ATP6V0D1: variants seen among roughly 807,000 people sequenced by gnomAD.
The protein encoded by ATP6V0D1 is ATPase H+ transporting V0 subunit d1, also known as V-type proton ATPase subunit d 1.
In ATP6V0D1, 13 loss-of-function variants were observed where a neutral mutation model predicts 39.0. The observed-to-expected ratio is 0.33, with a 90% CI of 0.22 to 0.53. ATP6V0D1 has a LOEUF of 0.53. Ranked by LOEUF, ATP6V0D1 falls within the 20% of genes least tolerant of loss-of-function variation. The pLI, the probability that ATP6V0D1 is intolerant of heterozygous loss-of-function variation, is 0.94. For synonymous variants in ATP6V0D1, 191 were observed against 191.2 expected (o/e 1.00, Z 0.01); for missense variants, 272 against 470.9 (o/e 0.58, Z 3.91).
At chr16:67,440,536 G>C (rs563921210) in intron 4 of ATP6V0D1, 1 of 152,414 alleles carries the variant, frequency 6.6e-6, no homozygotes, top group African/African-American at 2.4e-5. Context: ...CCACAGGCTA[G>C]AGACTATTCT....
intron 2 of ATP6V0D1, among the ~76,000 whole-genome samples, chr16:67,446,727 A>G (rs968457916): frequency 2.6e-5 from 4 of 152,180 alleles, no homozygotes; most frequent in East Asian, 1.9e-4. Context: ...TCCAGCCCCA[A>G]TGTAGCCTTG....
intron 2 of ATP6V0D1, among the ~76,000 whole-genome samples, chr16:67,448,130 C>G (rs1039275263): frequency 6.6e-6 from 1 of 152,122 alleles, no homozygotes; most frequent in African/African-American, 2.4e-5. Context: ...GTGGGAGGCT[C>G]TCTTAGCTCA....
At position 67,444,923 on chromosome 16, in the gene ATP6V0D1, G is replaced by T. The variant is rs2041097670; in HGVS notation, c.303-217C>A. ...CTGCCAGAGGCCTAGGACAGACACAGGCCCCCCAAACGGGCGGGGGCAGGG... is the reference window on the plus strand; with the variant it reads ...CTGCCAGAGGCCTAGGACAGACACATGCCCCCCAAACGGGCGGGGGCAGGG... On this transcript the variant is annotated intron_variant, in intron 2 of 7. Coordinates refer to ENST00000290949, the MANE Select transcript of ATP6V0D1 (RefSeq NM_004691.5). This position sits in a 1 kb window ranked among gnomAD's most constrained non-coding sequence, Gnocchi z 4.8. 6.6e-6 allele frequency among the ~76,000 whole-genome samples: 1 copy of T among 152,164 alleles called. No homozygotes were observed. Among genetic ancestry groups the T allele is most frequent in the Non-Finnish European group, 1.5e-5 (1 of 68,032 alleles).
At position 67,467,118 on chromosome 16, in the gene ATP6V0D1, A is replaced by G. The variant is rs187856719; in HGVS notation, c.131-13403T>C. On this transcript the variant is annotated intron_variant, in intron 1 of 7. Coordinates refer to ENST00000290949, the MANE Select transcript of ATP6V0D1 (RefSeq NM_004691.5). ...AGTGCTTAATAACTCAGAAACAGGG[A>G]AATCTATGATATGGTGCATCCCTGG... Among the ~76,000 whole-genome samples the G allele has an allele frequency of 5.3e-5, 8 of 152,304 alleles. 1 individual carries two copies. Among genetic ancestry groups the G allele is most frequent in the Admixed American group, 5.2e-4 (8 of 15,288 alleles).
At chr16:67,474,134 AC>A (rs1292049324) in intron 1 of ATP6V0D1, among the ~76,000 whole-genome samples, 1 of 152,158 alleles carries the variant, frequency 6.6e-6, no homozygotes, top group Non-Finnish European at 1.5e-5. Flanking sequence ...TGTGTGACAT[AC>A]TTGTATTAGC....
chr16:67,470,606 G>A (rs935717383), intron 1 of ATP6V0D1, among the ~76,000 whole-genome samples: 10 of 152,334 alleles, frequency 6.6e-5, no homozygotes, highest in South Asian at 2.1e-4. Context: ...ATGGCCTGGC[G>A]CGGGCCTAAC....
chr16:67,469,843 T>C (rs934250144), intron 1 of ATP6V0D1, among the ~76,000 whole-genome samples: 3 of 152,220 alleles, frequency 2.0e-5, no homozygotes, highest in African/African-American at 7.2e-5. Flanking sequence ...CATTGAAATC[T>C]TCCCCCTACC....
At chr16:67,478,382 G>A (rs1042586733) in intron 1 of ATP6V0D1, among the ~76,000 whole-genome samples, 9 of 152,256 alleles carry the variant, frequency 5.9e-5, no homozygotes, top group African/African-American at 2.2e-4. Context: ...GGAGGCCAAG[G>A]TGGGTGGATC....
intron 2 of ATP6V0D1, among the ~76,000 whole-genome samples, chr16:67,446,687 G>A (rs559901966): frequency 1.3e-5 from 2 of 152,128 alleles, no homozygotes; most frequent in East Asian, 1.9e-4. Flanking sequence ...CTGCATATGC[G>A]CCACCCCGCA....
chr16:67,474,238 C>G (rs1221425280), intron 1 of ATP6V0D1, among the ~76,000 whole-genome samples: 1 of 152,178 alleles, frequency 6.6e-6, no homozygotes, highest in Non-Finnish European at 1.5e-5. Context: ...TTCACTTGGT[C>G]CCAGGCCCTG....
Position 67,481,006 on chromosome 16 carries a change from C to T in ATP6V0D1, c.81G>A (p.Val27=). 1.2e-6 allele frequency: 2 copies of T among 1,614,186 alleles called. No homozygotes were observed. The highest frequency in any genetic ancestry group is 1.1e-5 in the South Asian group (1 of 91,092). Reference sequence around the variant, plus strand: ...GGTTGAGGTAGTCGGCCTGGCTGAGCACCCCGGCCTTCAGGCCGCGCACCA... The same window carrying T: ...GGTTGAGGTAGTCGGCCTGGCTGAGTACCCCGGCCTTCAGGCCGCGCACCA... The part of the protein sequence containing the change: ...EGLVRGLKAG[V]LSQADYLNLV... Residue 27 remains valine (V), a synonymous_variant, in exon 1 of 8, where the codon GTG becomes GTA. Transcript: ENST00000290949.
chr16:67,458,225 G>GA (rs2041257883), intron 1 of ATP6V0D1, among the ~76,000 whole-genome samples: 1 of 152,222 alleles, frequency 6.6e-6, no homozygotes, highest in African/African-American at 2.4e-5. Context: ...AAGGCTGGTT[G>GA]GGATGCTCCC....
rs942043146 is a variant in ATP6V0D1 at position 67,438,072 on chromosome 16, G to C, written c.*456C>G. ...CTCAGAGGGGCAGGGCTGAGGGAGG[G>C]AGCTGAGGAGCAACATCCCCCCAGG... On this transcript the variant is annotated 3_prime_UTR_variant, in exon 8 of 8. Coordinates refer to ENST00000290949, the MANE Select transcript of ATP6V0D1 (RefSeq NM_004691.5). The C allele has an allele frequency of 5.4e-6, 1 of 183,756 alleles. No homozygotes were observed. The highest frequency in any genetic ancestry group is 5.4e-5 in the Admixed American group (1 of 18,538). The allele number at this position is 183,756 out of a possible 1,614,324, so 11.4% of individuals were successfully genotyped here. A position where few individuals can be genotyped will look rare whatever the true frequency, so the allele number is the denominator to read the frequency against.
chr16:67,442,996 A>T, intron 4 of ATP6V0D1, 103 bp downstream of exon 4: 1 of 1,224,424 alleles, frequency 8.2e-7, no homozygotes, highest in Non-Finnish European at 1.2e-6. Flanking sequence ...AGCCTGACAT[A>T]GCTGCATCCT....
chr16:67,444,475 T>A lies in ATP6V0D1; in HGVS notation c.481+53A>T. The A allele has an allele frequency of 6.5e-7, 1 of 1,535,310 alleles. No homozygotes were observed. The highest frequency in any genetic ancestry group is 8.8e-7 in the Non-Finnish European group (1 of 1,132,650). On this transcript the variant is annotated intron_variant, in intron 3 of 7. Coordinates refer to ENST00000290949, the MANE Select transcript of ATP6V0D1 (RefSeq NM_004691.5). The surrounding 1 kb of genome is among the most constrained non-coding windows in gnomAD (Gnocchi z 4.8). ...AGCGGGTCCACAAACCCCACCCTGA[T>A]GCGCTGATGCTGACACCACTGCCCA...
chr16:67,473,919 T>A (rs2041395176), intron 1 of ATP6V0D1, among the ~76,000 whole-genome samples: 1 of 152,134 alleles, frequency 6.6e-6, no homozygotes, highest in South Asian at 2.1e-4. Flanking sequence ...CCTTCTAAAG[T>A]GCTGGGACTA....
intron 1 of ATP6V0D1, among the ~76,000 whole-genome samples, chr16:67,462,278 T>G (rs1047453898): frequency 1.3e-5 from 2 of 152,212 alleles, no homozygotes; most frequent in Non-Finnish European, 2.9e-5. Flanking sequence ...AGCCTCACCC[T>G]GGGAGGTGGG....
At chr16:67,439,440 C>T in intron 4 of ATP6V0D1, 89 bp from the exon 5 acceptor site, 1 of 1,264,506 alleles carries the variant, frequency 7.9e-7, no homozygotes, top group South Asian at 1.2e-5. Context: ...CTCCTCCCCT[C>T]CCTAGCCCCT....
At chr16:67,464,990 C>A (rs1183559206) in intron 1 of ATP6V0D1, among the ~76,000 whole-genome samples, 1 of 152,224 alleles carries the variant, frequency 6.6e-6, no homozygotes, top group Non-Finnish European at 1.5e-5. Context: ...AGGGGAGTTG[C>A]TAGGTTTGGA....
Sources: allele counts gnomAD v4.1 joint callset (sites outside exome capture counted in the v4.1 genomes callset), GRCh38; gene constraint gnomAD v4.1.1; non-coding constraint Gnocchi (gnomAD v3.1); transcripts MANE v1.5; gene names NCBI Gene and HGNC (gene_info 2026-07-23, HGNC 2026-07-21).